OSBPL6: variants seen among roughly 807,000 people sequenced by gnomAD.
OSBPL6 encodes the protein oxysterol-binding protein-related protein 6.
Under a neutral mutation model 125.8 loss-of-function variants are expected in OSBPL6, and 49 were observed. That is an observed-to-expected ratio of 0.39 (90% confidence interval 0.31 to 0.49). The LOEUF (loss-of-function observed/expected upper bound fraction) is 0.49, where lower values mean the gene tolerates loss of function less well. OSBPL6 is among the 20% of genes least tolerant of loss of function. The pLI, the probability that OSBPL6 is intolerant of heterozygous loss-of-function variation, is 0.88. For missense variants in OSBPL6, 986 were observed against 1,135.4 expected (o/e 0.87, Z 1.89); for synonymous variants, 394 against 391.8 (o/e 1.01, Z -0.07).
chr2:178,233,384 C>T (rs1021655249), intron 1 of OSBPL6, among the ~76,000 whole-genome samples: 4 of 152,162 alleles, frequency 2.6e-5, no homozygotes. Flanking sequence ...ATGGGTTTTA[C>T]TTGGCCTTAT....
rs375777987 is a variant in OSBPL6, at chr2:178,285,113, A to C, written c.-164A>C. The C allele has an allele frequency of 1.2e-3, 465 of 398,464 alleles. 15 individuals are homozygous for C. The South Asian group carries it at 0.051, about 43-fold the overall frequency. The allele number at this position is 398,464 out of a possible 1,614,324, so 24.7% of individuals were successfully genotyped here. A position where few individuals can be genotyped will look rare whatever the true frequency, so the allele number is the denominator to read the frequency against. ...GCTGACTTGGAAGACTTTGACTCCA[A>C]GGTGCAAGGTGAGTTAGAAGAACAC... is the stretch of plus-strand genomic sequence containing the variant. On this transcript the variant is annotated 5_prime_UTR_variant, in exon 2 of 25. Transcript: ENST00000190611.
intron 3 of OSBPL6, among the ~76,000 whole-genome samples, chr2:178,306,585 C>T (rs1335519811): frequency 6.6e-6 from 1 of 152,164 alleles, no homozygotes; most frequent in Non-Finnish European, 1.5e-5. Flanking sequence ...AACTTGAACA[C>T]TCTTCTCTTC....
chr2:178,288,172 C>T (rs1431988344), intron 2 of OSBPL6, among the ~76,000 whole-genome samples: 8 of 152,208 alleles, frequency 5.3e-5, no homozygotes, highest in Non-Finnish European at 1.0e-4. Context: ...CACCATTTCA[C>T]CTGCCCTGTT....
chr2:178,242,770 G>A lies in OSBPL6; in HGVS notation c.-350-42157G>A, dbSNP rs545602675. Among the ~76,000 whole-genome samples the A allele has an allele frequency of 3.3e-5, 5 of 152,148 alleles. No individual in the cohort carries two copies. The South Asian group carries it at 8.3e-4, about 25-fold the overall frequency. On this transcript the variant is annotated intron_variant, in intron 1 of 24. Transcript: ENST00000190611. ...CAAAATGTGAGCAGGATATCGATGC[G>A]TTAAGTTTTTATCAAAGAAATGGTG...
Position 178,387,133 on chromosome 2 carries a change from T to A in OSBPL6, c.2150T>A (p.Leu717His). ...CCTGTTGGAACACTGAATGTCATGC[T>A]TCCAAAGTAGGTGACTCACACCTCC... Reference protein sequence around the residue: ...ILPVGTLNVMLPKYGDYYVWN... With the variant: ...ILPVGTLNVMHPKYGDYYVWN... The change falls in exon 20 of 25, where the codon CTT (leucine) becomes CAT (histidine). Residue 717 changes from leucine (L) to histidine (H), a missense_variant. Transcript: ENST00000190611. The A allele has an allele frequency of 6.2e-7, 1 of 1,609,574 alleles. No homozygotes were observed. Among genetic ancestry groups the A allele is most frequent in the Non-Finnish European group, 8.5e-7 (1 of 1,176,296 alleles).
intron 14 of OSBPL6, among the ~76,000 whole-genome samples, chr2:178,373,545 T>C (rs950339129): frequency 6.6e-6 from 1 of 152,264 alleles, no homozygotes; most frequent in Non-Finnish European, 1.5e-5. Context: ...TATTTCTTCA[T>C]GTTTAATGTA....
chr2:178,335,156 A>G (rs1184051774), intron 8 of OSBPL6, among the ~76,000 whole-genome samples: 1 of 152,092 alleles, frequency 6.6e-6, no homozygotes, highest in Non-Finnish European at 1.5e-5. Context: ...TCACTGGCAC[A>G]GACTATTGAT....
chr2:178,288,995 T>G (rs1684980934), intron 2 of OSBPL6, among the ~76,000 whole-genome samples: 1 of 150,958 alleles, frequency 6.6e-6, no homozygotes, highest in Non-Finnish European at 1.5e-5. Context: ...TGTTGATTTT[T>G]GTTTTCTTTT....
At chr2:178,214,966 C>A (rs1010293947) in intron 1 of OSBPL6, among the ~76,000 whole-genome samples, 4 of 151,746 alleles carry the variant, frequency 2.6e-5, no homozygotes, top group Non-Finnish European at 5.9e-5. Flanking sequence ...CAAACAAAAA[C>A]CTTTACGGCA....
At chr2:178,282,029 G>A (rs749938163) in intron 1 of OSBPL6, among the ~76,000 whole-genome samples, 14 of 152,180 alleles carry the variant, frequency 9.2e-5, no homozygotes, top group Non-Finnish European at 1.9e-4. Flanking sequence ...TGGTATAGGA[G>A]ACACAGTTCA....
At chr2:178,390,799 G>T (rs1044032113) in intron 21 of OSBPL6, among the ~76,000 whole-genome samples, 1 of 152,166 alleles carries the variant, frequency 6.6e-6, no homozygotes, top group African/African-American at 2.4e-5. Flanking sequence ...AAAATTGCTA[G>T]CTTAGAAATT....
intron 1 of OSBPL6, among the ~76,000 whole-genome samples, chr2:178,225,601 A>G (rs953672206): frequency 6.6e-6 from 1 of 152,208 alleles, no homozygotes; most frequent in African/African-American, 2.4e-5. Context: ...TGATAAAGAC[A>G]TACCCGAGAC....
intron 3 of OSBPL6, among the ~76,000 whole-genome samples, chr2:178,308,378 A>G (rs1686970010): frequency 6.6e-6 from 1 of 152,204 alleles, no homozygotes; most frequent in Admixed American, 6.5e-5. Context: ...TAGTGAAGGG[A>G]CATAGAGAAA....
intron 23 of OSBPL6, among the ~76,000 whole-genome samples, chr2:178,392,826 A>G (rs564675708): frequency 2.0e-5 from 3 of 148,006 alleles, no homozygotes; most frequent in African/African-American, 7.5e-5. Context: ...GTACCATTGT[A>G]CTCCAGCCAG....
intron 13 of OSBPL6, among the ~76,000 whole-genome samples, chr2:178,369,655 T>A (rs1032216949): frequency 6.6e-6 from 1 of 152,230 alleles, no homozygotes; most frequent in African/African-American, 2.4e-5. Flanking sequence ...TCTGAGTTCA[T>A]TTCTTATTGA....
chr2:178,250,219 T>C (rs2091644875), intron 1 of OSBPL6, among the ~76,000 whole-genome samples: 1 of 152,224 alleles, frequency 6.6e-6, no homozygotes, highest in South Asian at 2.1e-4. Context: ...GTATTTCTTA[T>C]CTTAGTAAAT....
intron 1 of OSBPL6, among the ~76,000 whole-genome samples, chr2:178,254,160 G>A (rs888183995): frequency 4.6e-5 from 7 of 152,130 alleles, no homozygotes; most frequent in African/African-American, 7.2e-5. Context: ...TTGGGAGGCC[G>A]AGGTGGGCGG....
At chr2:178,328,418 A>C (rs781006768) in intron 5 of OSBPL6, 40 bp downstream of exon 5, 1 of 1,595,166 alleles carries the variant, frequency 6.3e-7, no homozygotes, top group South Asian at 1.1e-5. Flanking sequence ...CCATCTTCAT[A>C]AATAAAGAAG....
chr2:178,201,863 C>A (rs2153937299), intron 1 of OSBPL6, among the ~76,000 whole-genome samples: 1 of 152,304 alleles, frequency 6.6e-6, no homozygotes, highest in Non-Finnish European at 1.5e-5. Flanking sequence ...TTCCCATGAC[C>A]ATTCTTACAT....
Sources: gnomAD v4.1 joint callset for allele counts (sites outside exome capture counted in the v4.1 genomes callset) on GRCh38, gnomAD v4.1.1 for gene constraint, MANE v1.5 for transcripts, NCBI Gene and HGNC (gene_info 2026-07-23, HGNC 2026-07-21) for gene names.